Variants in MECOM observed in about 807,000 individuals in gnomAD.
MECOM encodes the protein MDS1 and EVI1 complex locus, also known as histone-lysine N-methyltransferase MECOM.
Under a neutral mutation model 116.3 loss-of-function variants are expected in MECOM, and 13 were observed. That is an observed-to-expected ratio of 0.11 (90% CI 0.07 to 0.18). The LOEUF (loss-of-function observed/expected upper bound fraction) is 0.18. MECOM is among the 10% of genes least tolerant of loss of function. The pLI is 1.00. For missense variants in MECOM, 1,299 were observed against 1,509.0 expected, an observed-to-expected ratio of 0.86 and a Z score of 2.31; for synonymous variants, 528 against 535.2, an observed-to-expected ratio of 0.99 and a Z score of 0.19.
At chr3:169,537,392 A>G (rs1759511597) in intron 1 of MECOM, among the ~76,000 whole-genome samples, 1 of 152,190 alleles carries the variant, frequency 6.6e-6, no homozygotes, top group Admixed American at 6.5e-5. Context: ...TCAAAAGCAA[A>G]CAACTTTACC....
intron 2 of MECOM, among the ~76,000 whole-genome samples, chr3:169,333,756 G>C (rs2566358): frequency 6.6e-6 from 1 of 151,872 alleles, no homozygotes; most frequent in African/African-American, 2.4e-5. Context: ...GTGCTGCTTA[G>C]GAAAAAGGAG....
At chr3:169,553,394 C>G (rs1023681570) in intron 1 of MECOM, among the ~76,000 whole-genome samples, 4 of 152,154 alleles carry the variant, frequency 2.6e-5, no homozygotes, top group Non-Finnish European at 5.9e-5. Context: ...GCTTTAGTAT[C>G]TGCTAAAACT....
intron 2 of MECOM, among the ~76,000 whole-genome samples, chr3:169,315,734 C>A (rs1322283092): frequency 2.0e-5 from 3 of 152,188 alleles, no homozygotes; most frequent in African/African-American, 7.2e-5. Flanking sequence ...TTCCTGTATT[C>A]CTTTGTAATA....
At chr3:169,223,400 C>T (rs1456692539) in intron 2 of MECOM, among the ~76,000 whole-genome samples, 1 of 150,308 alleles carries the variant, frequency 6.7e-6, no homozygotes, top group Non-Finnish European at 1.5e-5. Context: ...GTTTTCTGTC[C>T]TTGTGATAGT....
At chr3:169,604,045 G>A (rs1343773647) in intron 1 of MECOM, among the ~76,000 whole-genome samples, 1 of 152,164 alleles carries the variant, frequency 6.6e-6, no homozygotes, top group Non-Finnish European at 1.5e-5. Context: ...TTGTGTAATT[G>A]CCTTTTTCTC....
chr3:169,217,507 G>A (rs765774935), intron 2 of MECOM, among the ~76,000 whole-genome samples: 10 of 151,948 alleles, frequency 6.6e-5, no homozygotes, highest in Non-Finnish European at 7.4e-5. Context: ...TAAATAGGCC[G>A]AGCACGGTGG....
At chr3:169,639,059 A>T (rs1773153590) in intron 1 of MECOM, among the ~76,000 whole-genome samples, 1 of 152,142 alleles carries the variant, frequency 6.6e-6, no homozygotes, top group Non-Finnish European at 1.5e-5. Context: ...ATACTGAATA[A>T]GCTCCTGGAG....
At chr3:169,352,491 G>T (rs1726494783) in intron 2 of MECOM, among the ~76,000 whole-genome samples, 1 of 151,770 alleles carries the variant, frequency 6.6e-6, no homozygotes, top group African/African-American at 2.4e-5. Context: ...AAAACTCAAA[G>T]CACATAAATA....
At chr3:169,237,774 G>C (rs1213757691) in intron 2 of MECOM, among the ~76,000 whole-genome samples, 1 of 152,026 alleles carries the variant, frequency 6.6e-6, no homozygotes, top group Non-Finnish European at 1.5e-5. Context: ...AAGTTATATA[G>C]TTCACCCATT....
intron 2 of MECOM, among the ~76,000 whole-genome samples, chr3:169,289,399 A>G (rs1045971148): frequency 7.2e-5 from 11 of 152,138 alleles, no homozygotes; most frequent in Non-Finnish European, 1.3e-4. Flanking sequence ...CAATGTTGGG[A>G]TGGTTACTTA....
chr3:169,418,853 A>G (rs536018808), intron 1 of MECOM, among the ~76,000 whole-genome samples: 13 of 152,196 alleles, frequency 8.5e-5, no homozygotes, highest in African/African-American at 2.9e-4. Flanking sequence ...AAGATATACT[A>G]TATCACCACT....
intron 1 of MECOM, among the ~76,000 whole-genome samples, chr3:169,642,731 G>C (rs1392512910): frequency 6.9e-6 from 1 of 145,912 alleles, no homozygotes; most frequent in African/African-American, 2.6e-5. Context: ...CAAAACAAAG[G>C]TTAATTAAAA....
rs1744224350 is a variant in MECOM at position 169,444,248 on chromosome 3, CCTT to C, written c.38-62727_38-62725del. Among the ~76,000 whole-genome samples the C allele has an allele frequency of 2.0e-5, 3 of 152,268 alleles. No homozygotes were observed. The South Asian group carries it at 6.2e-4, about 32-fold the overall frequency. The stretch of plus-strand genomic sequence containing the variant: ...CCAGATGTGTCACAACATAGCCCAT[CCTT>C]CTCGTCACAGATTTCTAGACACTCC... On this transcript the variant is annotated intron_variant, in intron 1 of 16. Transcript: ENST00000651503.
At chr3:169,184,477 G>GC (rs1217803117) in intron 2 of MECOM, among the ~76,000 whole-genome samples, 5 of 152,168 alleles carry the variant, frequency 3.3e-5, no homozygotes, top group East Asian at 1.9e-4. Flanking sequence ...AGTCTAACAA[G>GC]GCTGGCTTTC....
At chr3:169,178,297 C>T (rs1246355368) in intron 2 of MECOM, among the ~76,000 whole-genome samples, 2 of 152,152 alleles carry the variant, frequency 1.3e-5, no homozygotes, top group African/African-American at 2.4e-5. Context: ...AGTGATTATA[C>T]GAATTTTGAG....
chr3:169,260,612 C>T (rs768026391), intron 2 of MECOM, among the ~76,000 whole-genome samples: 54 of 152,280 alleles, frequency 3.5e-4, no homozygotes, highest in Non-Finnish European at 6.0e-4. Flanking sequence ...TATCAGTCTC[C>T]GTTCACTGCC....
chr3:169,149,848 T>C (rs1740872934), intron 2 of MECOM: 1 of 326,684 alleles, frequency 3.1e-6, no homozygotes, highest in Non-Finnish European at 6.2e-6. Context: ...CTGAATAAAT[T>C]GTGAAAAAGA....
At chr3:169,145,853 A>G (rs1268749331) in intron 2 of MECOM, 2 of 214,298 alleles carry the variant, frequency 9.3e-6, no homozygotes, top group East Asian at 1.4e-4. Context: ...GTTCATTTCC[A>G]AAGAATGTCT....
chr3:169,170,430 C>CAAAAAAAAA, intron 2 of MECOM, among the ~76,000 whole-genome samples: 1 of 132,650 alleles, frequency 7.5e-6, no homozygotes, highest in Non-Finnish European at 1.6e-5. Context: ...AAAAAAAAAT[C>CAAAAAAAAA]AAAGCTAAGC....
Sources: allele counts gnomAD v4.1 joint callset (sites outside exome capture counted in the v4.1 genomes callset), GRCh38; gene constraint gnomAD v4.1.1; transcripts MANE v1.5; gene names NCBI Gene and HGNC (gene_info 2026-07-23, HGNC 2026-07-21).